The following PDXDC1 variants were observed in gnomAD, a reference collection of about 807,000 sequenced individuals.
PDXDC1 encodes the protein pyridoxal dependent decarboxylase domain containing 1, also known as pyridoxal-dependent decarboxylase domain-containing protein 1.
A neutral mutation model predicts 100.1 loss-of-function variants in PDXDC1; 42 were observed. The observed-to-expected ratio is 0.42, with a 90% CI of 0.33 to 0.54. The LOEUF is 0.54. PDXDC1 is among the 20% of genes least tolerant of loss of function. The probability of loss-of-function intolerance (pLI) is 0.10; values close to 1 mark genes in which losing one functional copy is unlikely to be tolerated. For missense variants in PDXDC1, 636 were observed against 979.2 expected (o/e 0.65, Z 4.68); for synonymous variants, 260 against 371.7 (o/e 0.70, Z 3.46).
At chr16:15,035,356 G>A (rs1460377425) in intron 21 of PDXDC1, 93 bp from the exon 22 acceptor site, 2 of 615,414 alleles carry the variant, frequency 3.2e-6, no homozygotes, top group South Asian at 2.3e-5. Context: ...GCTGGAAGGA[G>A]GTTATTGGGG....
intron 16 of PDXDC1, among the ~76,000 whole-genome samples, chr16:15,077,518 C>T (rs2045512886): frequency 6.6e-6 from 1 of 152,110 alleles, no homozygotes; most frequent in Non-Finnish European, 1.5e-5. Flanking sequence ...CTGAGGCCTC[C>T]CCAGCCATGT....
chr16:15,094,244 T>G, intron 16 of PDXDC1: 1 of 1,567,586 alleles, frequency 6.4e-7, no homozygotes, highest in Non-Finnish European at 8.7e-7. Flanking sequence ...TGGGCCGAAC[T>G]AACGCGACCG....
downstream of PDXDC1, chr16:15,041,550 G>A: frequency 1.0e-6 from 1 of 989,252 alleles, no homozygotes; most frequent in Non-Finnish European, 1.6e-6. Context: ...CGGTGCTTGG[G>A]CCCACTGCAA....
At chr16:15,001,111 A>G (rs541139988) in intron 3 of PDXDC1, among the ~76,000 whole-genome samples, 77 of 152,194 alleles carry the variant, frequency 5.1e-4, no homozygotes, top group Non-Finnish European at 9.3e-4. Context: ...TCCCAGCACT[A>G]TTGGAGGCTG....
chr16:15,127,607 G>A, intron 16 of PDXDC1: 3 of 1,344,342 alleles, frequency 2.2e-6, no homozygotes, highest in Non-Finnish European at 3.1e-6. Flanking sequence ...CTGTGTGGAG[G>A]AGAGGAGGCC....
chr16:15,072,940 T>G (rs976545577), intron 16 of PDXDC1: 2 of 1,613,022 alleles, frequency 1.2e-6, no homozygotes, highest in African/African-American at 1.3e-5. Flanking sequence ...TTAATCACAT[T>G]CTTACTCACC....
At chr16:15,044,727 TA>T (rs1230693812) in intron 16 of PDXDC1, 6 of 349,740 alleles carry the variant, frequency 1.7e-5, no homozygotes, top group Non-Finnish European at 3.1e-5. Flanking sequence ...CTCACATCTG[TA>T]ATCCTAGCAC....
At chr16:15,045,466 CAAA>C (rs1157158611) in intron 16 of PDXDC1, 2 of 71,548 alleles carry the variant, frequency 2.8e-5, no homozygotes, top group Non-Finnish European at 5.8e-5. Flanking sequence ...GACTCTGTCT[CAAA>C]AAAAAAAAAA....
chr16:15,077,351 T>A (rs1597937905), intron 16 of PDXDC1, among the ~76,000 whole-genome samples: 1 of 152,204 alleles, frequency 6.6e-6, no homozygotes, highest in East Asian at 1.9e-4. Flanking sequence ...TGGGAGATAA[T>A]TTGAATCATA....
intron 16 of PDXDC1, among the ~76,000 whole-genome samples, chr16:15,128,951 G>A (rs1289645491): frequency 9.4e-5 from 14 of 149,202 alleles, no homozygotes; most frequent in Admixed American, 8.0e-4. Context: ...GACTACAGGC[G>A]CCTGCCAACA....
chr16:15,073,840 C>T (rs2045342014), intron 16 of PDXDC1, among the ~76,000 whole-genome samples: 1 of 151,946 alleles, frequency 6.6e-6, no homozygotes, highest in Non-Finnish European at 1.5e-5. Flanking sequence ...GATAGTTAGT[C>T]TTGAACTCCT....
At chr16:14,999,534 C>T (rs1260783023) in intron 3 of PDXDC1, among the ~76,000 whole-genome samples, 2 of 152,202 alleles carry the variant, frequency 1.3e-5, no homozygotes, top group Non-Finnish European at 2.9e-5. Flanking sequence ...CATGGCGAGA[C>T]CCTATCAAAT....
intron 1 of PDXDC1, among the ~76,000 whole-genome samples, chr16:14,984,496 T>TATATATATATATATATATA (rs1491326563): frequency 3.9e-5 from 2 of 51,220 alleles, no homozygotes; most frequent in Non-Finnish European, 3.8e-5. Flanking sequence ...TATATATATA[T>TATATATATATATATATATA]TTTTTTTTTT....
chr16:15,140,761 G>T (rs1321033379), downstream of PDXDC1, among the ~76,000 whole-genome samples: 1 of 151,960 alleles, frequency 6.6e-6, no homozygotes, highest in Non-Finnish European at 1.5e-5. Flanking sequence ...AGCACCTCGG[G>T]GGTCACCCTG....
intron 16 of PDXDC1, among the ~76,000 whole-genome samples, chr16:15,110,114 C>T (rs1415333214): frequency 2.0e-5 from 3 of 147,592 alleles, no homozygotes; most frequent in South Asian, 2.2e-4. Flanking sequence ...CATTGCACTA[C>T]AGCCTGGGCA....
At chr16:15,091,938 G>C (rs1243277686) in intron 16 of PDXDC1, among the ~76,000 whole-genome samples, 3 of 152,134 alleles carry the variant, frequency 2.0e-5, no homozygotes, top group Non-Finnish European at 4.4e-5. Flanking sequence ...CAGCACTTTG[G>C]GAGGCCAAGG....
chr16:14,990,368 C>T lies in PDXDC1; in HGVS notation c.22-7385C>T, dbSNP rs1219779243. Among the ~76,000 whole-genome samples, 4 of 152,400 alleles carry T rather than the reference C, an allele frequency of 2.6e-5. No individual in the cohort carries two copies. In the East Asian group the frequency reaches 5.8e-4, roughly 22 times the overall value. ...CATTTAGGTTTGTGTCTGGCTGTTG[C>T]CCTGGTGTTGTTTATTAATGTTGAT... is the stretch of plus-strand genomic sequence containing the variant. On this transcript the variant is annotated intron_variant, in intron 1 of 22. Transcript: ENST00000396410.
chr16:15,135,035 G>C lies in PDXDC1; in HGVS notation c.1400-3844G>C, dbSNP rs1378859761. ...GGGAAGGGGCTCTTCCTCACTGTTG[G>C]TATTGCTGGGGGACTGTGTAGCTTT... On this transcript the variant is annotated intron_variant, in intron 16 of 16. Transcript: ENST00000535621. 5.5e-5 allele frequency: 28 copies of C among 508,282 alleles called. No homozygotes were observed. In the East Asian group the frequency reaches 6.0e-4, roughly 11 times the overall value. 31.5% of individuals were successfully genotyped at this position (508,282 alleles called of 1,614,324 possible).
downstream of PDXDC1, among the ~76,000 whole-genome samples, chr16:15,141,040 G>A (rs1005320941): frequency 1.0e-4 from 15 of 149,982 alleles, 1 homozygote; most frequent in Admixed American, 9.9e-4. Flanking sequence ...CACCCGCCCA[G>A]CCCCTACCGG....
Sources: gnomAD v4.1 joint callset for allele counts (sites outside exome capture counted in the v4.1 genomes callset) on GRCh38, gnomAD v4.1.1 for gene constraint, MANE v1.5 for transcripts, NCBI Gene and HGNC (gene_info 2026-07-23, HGNC 2026-07-21) for gene names.